The following GNA14 variants were observed in gnomAD, a reference collection of about 807,000 sequenced individuals.
GNA14 encodes the protein G protein subunit alpha 14, also known as guanine nucleotide-binding protein subunit alpha-14.
GNA14 carries 50 observed loss-of-function variants against 42.0 expected under a neutral mutation model. That is an observed-to-expected ratio of 1.19 (90% CI 0.95 to 1.51). The LOEUF (loss-of-function observed/expected upper bound fraction) is 1.51, where lower values mean the gene tolerates loss of function less well. Among genes scored for constraint, GNA14 ranks in the 40% most tolerant of loss-of-function variants. The pLI, the probability that GNA14 is intolerant of heterozygous loss-of-function variation, is 0.00. For missense variants in GNA14, 473 were observed against 446.2 expected (o/e 1.06, Z -0.54); for synonymous variants, 173 against 163.1 (o/e 1.06, Z -0.46).
chr9:77,634,938 T>A (rs953818748), intron 1 of GNA14, among the ~76,000 whole-genome samples: 2 of 152,236 alleles, frequency 1.3e-5, no homozygotes, highest in African/African-American at 4.8e-5. Context: ...TGCCAGGATG[T>A]AGTCAATCCA....
At position 77,616,074 on chromosome 9, in the gene GNA14, G is replaced by A. The variant is rs149102377; in HGVS notation, c.124+31596C>T. ...TAGGATGAGGAATGCCCAATCTATC[G>A]CATTTATGTTGGGATACAAGTAAAC... On this transcript the variant is annotated intron_variant, in intron 1 of 6. Coordinates refer to ENST00000341700, the MANE Select transcript of GNA14 (RefSeq NM_004297.4). Among the ~76,000 whole-genome samples the A allele has an allele frequency of 4.2e-3, 635 of 152,180 alleles. 1 individual carries two copies. Among genetic ancestry groups the A allele is most frequent in the Non-Finnish European group, 6.6e-3 (451 of 67,992 alleles).
chr9:77,554,445 A>C (rs1822732817), intron 1 of GNA14, among the ~76,000 whole-genome samples: 1 of 152,222 alleles, frequency 6.6e-6, no homozygotes, highest in African/African-American at 2.4e-5. Context: ...TTTTGTTAAA[A>C]GTTTTTTTAA....
chr9:77,473,663 T>C (rs1836370410), intron 2 of GNA14, among the ~76,000 whole-genome samples: 1 of 149,034 alleles, frequency 6.7e-6, no homozygotes, highest in African/African-American at 2.5e-5. Context: ...TTAAAATCCA[T>C]ATGGGAATGT....
At chr9:77,563,874 G>A (rs753338081) in intron 1 of GNA14, among the ~76,000 whole-genome samples, 7 of 152,156 alleles carry the variant, frequency 4.6e-5, no homozygotes, top group Admixed American at 1.3e-4. Flanking sequence ...TTACATGTTT[G>A]TTTGTCAGAG....
Position 77,485,134 on chromosome 9 carries a change from C to A in GNA14, c.309+43935G>T, listed in dbSNP as rs116752985. 1.4e-3 allele frequency among the ~76,000 whole-genome samples: 207 copies of A among 152,286 alleles called. 1 individual carries two copies. The highest frequency in any genetic ancestry group is 4.7e-3 in the African/African-American group (197 of 41,564). The stretch of plus-strand genomic sequence containing the variant: ...ATGCTGTTTGATAGCATTTTACCTA[C>A]AGTAGAATTTGAGTTAATCCTCTCA... On this transcript the variant is annotated intron_variant, in intron 2 of 6. Transcript: ENST00000341700.
intron 2 of GNA14, among the ~76,000 whole-genome samples, chr9:77,471,641 G>A (rs540804865): frequency 2.0e-5 from 3 of 152,250 alleles, no homozygotes; most frequent in Non-Finnish European, 2.9e-5. Context: ...CCTGTGATAC[G>A]TTTTACGGGA....
intron 1 of GNA14, among the ~76,000 whole-genome samples, chr9:77,560,500 G>A (rs956879219): frequency 5.9e-5 from 9 of 151,852 alleles, no homozygotes; most frequent in Admixed American, 3.3e-4. Flanking sequence ...TTTTTTTGTA[G>A]AGATTGGGTT....
intron 2 of GNA14, among the ~76,000 whole-genome samples, chr9:77,522,865 G>C (rs1363038153): frequency 2.0e-5 from 3 of 152,222 alleles, no homozygotes; most frequent in African/African-American, 7.2e-5. Flanking sequence ...CCAAGGGACT[G>C]AGTGATAAAG....
rs1309595416 is a variant in GNA14, at chr9:77,464,349, A to ATGTG, written c.310-29828_310-29827insCACA. On this transcript the variant is annotated intron_variant, in intron 2 of 6. Transcript: ENST00000341700. ...TATATATATGTGTGTGTGTGTGTGT[A>ATGTG]TATGTGTGTGTGTGTGTGTGTGTGT... Among the ~76,000 whole-genome samples, 60 of 102,058 alleles carry ATGTG rather than the reference A, an allele frequency of 5.9e-4. 1 individual carries two copies. The highest frequency in any genetic ancestry group is 2.6e-3 in the African/African-American group (59 of 23,002). The allele number at this position is 102,058 out of a possible 152,430, so 67.0% of individuals were successfully genotyped here. A position where few individuals can be genotyped will look rare whatever the true frequency, so the allele number is the denominator to read the frequency against.
chr9:77,564,952 C>A (rs1822943335), intron 1 of GNA14, among the ~76,000 whole-genome samples: 1 of 152,170 alleles, frequency 6.6e-6, no homozygotes, highest in Non-Finnish European at 1.5e-5. Flanking sequence ...TACGTATTCA[C>A]AGATATACTG....
At chr9:77,490,243 T>G (rs571395267) in intron 2 of GNA14, among the ~76,000 whole-genome samples, 1 of 152,226 alleles carries the variant, frequency 6.6e-6, no homozygotes, top group African/African-American at 2.4e-5. Flanking sequence ...AGGGTGCTGA[T>G]TGCTGTGTTT....
intron 1 of GNA14, among the ~76,000 whole-genome samples, chr9:77,565,774 T>C (rs772082351): frequency 8.5e-5 from 13 of 152,132 alleles, no homozygotes; most frequent in Non-Finnish European, 1.6e-4. Flanking sequence ...ACTTTTTAAA[T>C]GCAACGATTA....
At chr9:77,615,864 G>A (rs202178251) in intron 1 of GNA14, among the ~76,000 whole-genome samples, 4,139 of 123,634 alleles carry the variant, frequency 0.033, 162 homozygotes, top group African/African-American at 0.13. Context: ...TTTGTTTTTT[G>A]GGGTTTTTTT....
At chr9:77,523,153 G>A (rs1021701303) in intron 2 of GNA14, among the ~76,000 whole-genome samples, 39 of 152,078 alleles carry the variant, frequency 2.6e-4, no homozygotes, top group African/African-American at 8.0e-4. Context: ...TCCCCTTACC[G>A]TTTAATTATT....
intron 1 of GNA14, among the ~76,000 whole-genome samples, chr9:77,542,823 C>G (rs1837676887): frequency 6.6e-6 from 1 of 152,178 alleles, no homozygotes; most frequent in Non-Finnish European, 1.5e-5. Context: ...TTCGCTGATC[C>G]CAGGCCCCTG....
chr9:77,646,527 AC>A (rs1313421015), intron 1 of GNA14, among the ~76,000 whole-genome samples: 2 of 152,182 alleles, frequency 1.3e-5, no homozygotes, highest in Non-Finnish European at 2.9e-5. Context: ...TGAAGGCCAT[AC>A]TGGCTGAGAG....
intron 2 of GNA14, among the ~76,000 whole-genome samples, chr9:77,478,746 T>A (rs1204368698): frequency 6.6e-6 from 1 of 152,206 alleles, no homozygotes; most frequent in African/African-American, 2.4e-5. Context: ...GGTATCTCAT[T>A]GTGGTTTTGA....
rs1835412074 is a variant in GNA14 at position 77,423,890 on chromosome 9, G to C, written c.*89C>G. On this transcript the variant is annotated 3_prime_UTR_variant, in exon 7 of 7. Transcript: ENST00000341700. Reference sequence around the variant, plus strand: ...CATCCTTAGTTCCTGGCATGGGGCTGGCTCTGGTGATGTCAGAAGCACTTG... The same window carrying C: ...CATCCTTAGTTCCTGGCATGGGGCTCGCTCTGGTGATGTCAGAAGCACTTG... 1.2e-6 allele frequency: 1 copy of C among 842,322 alleles called. No homozygotes were observed. 52.2% of individuals were successfully genotyped at this position (842,322 alleles called of 1,614,324 possible).
At chr9:77,479,814 T>G (rs1024513828) in intron 2 of GNA14, among the ~76,000 whole-genome samples, 1 of 152,180 alleles carries the variant, frequency 6.6e-6, no homozygotes, top group African/African-American at 2.4e-5. Context: ...TTGAAGCAAT[T>G]GTGAATGGGA....
Sources: gnomAD v4.1 joint callset for allele counts (sites outside exome capture counted in the v4.1 genomes callset) on GRCh38, gnomAD v4.1.1 for gene constraint, MANE v1.5 for transcripts, NCBI Gene and HGNC (gene_info 2026-07-23, HGNC 2026-07-21) for gene names.